Variants in DMD observed in about 807,000 individuals in gnomAD.
DMD encodes mutant dystrophin.
In DMD, 63 loss-of-function variants were observed where a neutral mutation model predicts 330.1. The ratio of observed to expected loss-of-function variants is 0.19; its 90% CI spans 0.16 to 0.24. The LOEUF (loss-of-function observed/expected upper bound fraction) is 0.24, where lower values mean the gene tolerates loss of function less well. Ranked by LOEUF, DMD falls within the 10% of genes least tolerant of loss-of-function variation. DMD has a pLI of 1.00. For synonymous variants in DMD, 1,223 were observed against 959.8 expected, an observed-to-expected ratio of 1.27 and a Z score of -5.07; for missense variants, 3,344 against 2,684.1, an observed-to-expected ratio of 1.25 and a Z score of -5.43.
intron 23 of DMD, 69 bp downstream of exon 23, chrX:32,468,429 T>G: frequency 2.1e-6 from 2 of 956,461 alleles, no homozygotes; most frequent in Non-Finnish European, 2.9e-6. Flanking sequence ...ACCTTTACAG[T>G]TTACAGTGTA....
intron 1 of DMD, among the ~76,000 whole-genome samples, chrX:33,105,778 C>T (rs1405265756): frequency 9.0e-6 from 1 of 111,424 alleles, no homozygotes; most frequent in Admixed American, 9.6e-5. Context: ...AAACAATAAA[C>T]GTTGGCATGG....
chrX:32,398,080 C>G (rs958506974), intron 30 of DMD, among the ~76,000 whole-genome samples: 3 of 109,524 alleles, frequency 2.7e-5, no homozygotes, highest in African/African-American at 9.9e-5. Flanking sequence ...ACTTAGAAAA[C>G]GAAAGAAACA....
intron 52 of DMD, among the ~76,000 whole-genome samples, chrX:31,721,615 CTCTG>C (rs1322819386): frequency 1.1e-5 from 1 of 87,814 alleles, no homozygotes; most frequent in Non-Finnish European, 2.2e-5. Context: ...CTCTCTCTCT[CTCTG>C]TATGTGTGTA....
intron 49 of DMD, among the ~76,000 whole-genome samples, chrX:31,832,391 A>T (rs1227825399): frequency 3.6e-5 from 4 of 111,903 alleles, no homozygotes; most frequent in Non-Finnish European, 7.5e-5. Flanking sequence ...TGGGAGAAAA[A>T]AAAACAGCTT....
In DMD at chrX:32,520,258, T is replaced by C. The variant is rs777093461; in HGVS notation, c.2169-2127A>G. Among the ~76,000 whole-genome samples, 3 of 112,301 alleles carry C rather than the reference T, an allele frequency of 2.7e-5. No homozygotes were observed. In the South Asian group the frequency reaches 1.1e-3, roughly 41 times the overall value. ...TAAAATATACAGTACAATTATATGC[T>C]GTAAAAATCTTTCACACTCTCTTCA... On this transcript the variant is annotated intron_variant, in intron 17 of 78. Coordinates refer to ENST00000357033, the MANE Select transcript of DMD (RefSeq NM_004006.3).
At chrX:33,245,704 A>G (rs1460330008) in intron 1 of DMD, among the ~76,000 whole-genome samples, 1 of 112,384 alleles carries the variant, frequency 8.9e-6, no homozygotes, top group Non-Finnish European at 1.9e-5. Context: ...AGTAGACTCT[A>G]CTTTGTATCA....
rs966291524 is a variant in DMD at position 31,731,152 on chromosome X, A to C, written c.7543-1404T>G. Among the ~76,000 whole-genome samples the C allele has an allele frequency of 1.9e-4, 21 of 111,877 alleles. No individual in the cohort carries two copies. The Admixed American group carries it at 1.9e-3, about 10-fold the overall frequency. ...AAATTGGAGGGGCTAACTTTTAACA[A>C]ATTTTCCACATTTGTAAGCTGTGAT... On this transcript the variant is annotated intron_variant, in intron 51 of 78. Transcript: ENST00000357033.
intron 7 of DMD, chrX:32,755,076 AC>A (rs1243439337): frequency 1.0e-4 from 11 of 110,486 alleles, no homozygotes; most frequent in Non-Finnish European, 2.1e-4. Context: ...ACTATTTCCC[AC>A]ATCATGTATG....
intron 59 of DMD, among the ~76,000 whole-genome samples, chrX:31,470,108 G>A (rs1169831572): frequency 9.1e-6 from 1 of 110,326 alleles, no homozygotes; most frequent in Non-Finnish European, 1.9e-5. Flanking sequence ...CCTTGCATTG[G>A]GTTAGAACAC....
intron 50 of DMD, among the ~76,000 whole-genome samples, chrX:31,816,101 GAC>G (rs766692272): frequency 8.9e-5 from 10 of 112,290 alleles, no homozygotes; most frequent in Non-Finnish European, 1.7e-4. Context: ...GCAAACTTCA[GAC>G]ACACAGAATT....
chrX:32,878,372 C>T (rs919501136), intron 2 of DMD, among the ~76,000 whole-genome samples: 4 of 111,173 alleles, frequency 3.6e-5, no homozygotes, highest in Admixed American at 9.5e-5. Context: ...AGTGAGACTA[C>T]GTCTCAAAAA....
chrX:32,769,084 A>T lies in DMD; in HGVS notation c.649+40409T>A, dbSNP rs2073319854. Among the ~76,000 whole-genome samples, 3 of 112,521 alleles carry T rather than the reference A, an allele frequency of 2.7e-5. No homozygotes were observed. The Admixed American group carries it at 2.8e-4, about 11-fold the overall frequency. On this transcript the variant is annotated intron_variant, in intron 7 of 78. Coordinates refer to ENST00000357033, the MANE Select transcript of DMD (RefSeq NM_004006.3). ...AAACAAAAAACATCATCATCTGTGA[A>T]GAAGGTAGAGCCACAACAAAGGCAG...
At chrX:32,178,830 G>GTGTGTGTGTGTGTGTGTGTGTGTGTGT (rs1569549001) in intron 44 of DMD, among the ~76,000 whole-genome samples, 3 of 99,174 alleles carry the variant, frequency 3.0e-5, no homozygotes, top group African/African-American at 1.1e-4. Context: ...TATTCCAGGG[G>GTGTGTGTGTGTGTGTGTGTGTGTGTGT]GTGTGTGTGT....
intron 44 of DMD, among the ~76,000 whole-genome samples, chrX:32,002,465 G>C (rs1177124448): frequency 1.8e-5 from 2 of 111,694 alleles, no homozygotes; most frequent in African/African-American, 6.5e-5. Context: ...TATGAAGGTA[G>C]CATATCATCT....
chrX:31,178,038 A>AG (rs1490417054), intron 70 of DMD, 68 bp from the exon 71 acceptor site: 101 of 1,112,224 alleles, frequency 9.1e-5, no homozygotes, highest in Non-Finnish European at 1.2e-4. Context: ...ATTTACTGAA[A>AG]GGTCAAAATA....
intron 59 of DMD, among the ~76,000 whole-genome samples, chrX:31,449,509 G>C (rs1265575711): frequency 9.1e-6 from 1 of 109,771 alleles, no homozygotes; most frequent in Non-Finnish European, 1.9e-5. Flanking sequence ...TAGGGATAAG[G>C]GAGTTTCGAT....
intron 26 of DMD, among the ~76,000 whole-genome samples, chrX:32,452,310 T>TGAAAGG (rs2098333337): frequency 8.9e-5 from 1 of 11,216 alleles, no homozygotes; most frequent in Non-Finnish European, 1.5e-4. Context: ...AAAGGGAAAG[T>TGAAAGG]GAAAGTGAAA....
At chrX:32,886,750 A>C (rs907736446) in intron 2 of DMD, among the ~76,000 whole-genome samples, 5 of 112,080 alleles carry the variant, frequency 4.5e-5, no homozygotes, top group African/African-American at 1.3e-4. Context: ...AGGAAACAAA[A>C]TGGTCTACTG....
At chrX:31,975,690 C>T (rs962813884) in intron 44 of DMD, among the ~76,000 whole-genome samples, 1 of 111,795 alleles carries the variant, frequency 8.9e-6, no homozygotes, top group Admixed American at 9.5e-5. Context: ...TGTCTCAGGA[C>T]GTGATATTCG....
Sources: gnomAD v4.1 joint callset for allele counts (sites outside exome capture counted in the v4.1 genomes callset) on GRCh38, gnomAD v4.1.1 for gene constraint, MANE v1.5 for transcripts, NCBI Gene and HGNC (gene_info 2026-07-23, HGNC 2026-07-21) for gene names.